JAKMIP1: variants seen among roughly 807,000 people sequenced by gnomAD.
JAKMIP1 encodes janus kinase and microtubule interacting protein 1, also known as janus kinase and microtubule-interacting protein 1.
JAKMIP1 carries 33 observed loss-of-function variants against 113.0 expected under a neutral mutation model. The observed-to-expected ratio is 0.29, with a 90% CI of 0.22 to 0.39. JAKMIP1 has a LOEUF of 0.39. Ranked by LOEUF, JAKMIP1 falls within the 10% of genes least tolerant of loss-of-function variation. The pLI is 1.00. For synonymous variants in JAKMIP1, 480 were observed against 459.9 expected, an observed-to-expected ratio of 1.04 and a Z score of -0.56; for missense variants, 813 against 1,080.5, an observed-to-expected ratio of 0.75 and a Z score of 3.47.
At chr4:6,170,450 A>ACCACCATCACCATAGTCACCACCACCT (rs1219779193) in intron 1 of JAKMIP1, among the ~76,000 whole-genome samples, 1 of 150,094 alleles carries the variant, frequency 6.7e-6, no homozygotes, top group Admixed American at 6.6e-5. Context: ...CACCTCCATC[A>ACCACCATCACCATAGTCACCACCACCT]CCATCACCAC....
intron 16 of JAKMIP1, among the ~76,000 whole-genome samples, chr4:6,048,320 T>G (rs1358355018): frequency 6.6e-6 from 1 of 152,250 alleles, no homozygotes; most frequent in Non-Finnish European, 1.5e-5. Context: ...GTCATTCTGC[T>G]TCTAAAATAT....
chr4:6,186,201 C>T lies in JAKMIP1; in HGVS notation c.-148+14052G>A, dbSNP rs1726638627. ...CCGACGAGGCTTCCCTGGAGCTTGC[C>T]AGGGGCAGGTCAGGCGGATGGGCAG... On this transcript the variant is annotated intron_variant, in intron 1 of 20. Coordinates refer to ENST00000409021, the MANE Select transcript of JAKMIP1 (RefSeq NM_001099433.2). This position sits in a 1 kb window ranked among gnomAD's most constrained non-coding sequence, Gnocchi z 5.5. Among the ~76,000 whole-genome samples, 1 of 152,186 alleles carries T rather than the reference C, an allele frequency of 6.6e-6. No individual in the cohort carries two copies. Among genetic ancestry groups the T allele is most frequent in the Non-Finnish European group, 1.5e-5 (1 of 68,036 alleles).
chr4:6,139,477 A>T lies in JAKMIP1; in HGVS notation c.-147-26480T>A, dbSNP rs1719780213. On this transcript the variant is annotated intron_variant, in intron 1 of 20. Coordinates refer to ENST00000409021, the MANE Select transcript of JAKMIP1 (RefSeq NM_001099433.2). This position sits in a 1 kb window ranked among gnomAD's most constrained non-coding sequence, Gnocchi z 5.2. ...ATATGATGGGTGTTCCTACAAAAAGAAGAAATGGGGCTGGTCGTGGTGGCT... is the reference window on the plus strand; with the variant it reads ...ATATGATGGGTGTTCCTACAAAAAGTAGAAATGGGGCTGGTCGTGGTGGCT... Among the ~76,000 whole-genome samples the T allele has an allele frequency of 6.6e-6, 1 of 152,032 alleles. No homozygotes were observed. The highest frequency in any genetic ancestry group is 1.9e-4 in the East Asian group (1 of 5,174).
Position 6,097,618 on chromosome 4 carries a change from G to A in JAKMIP1, c.624+7855C>T, listed in dbSNP as rs1052192332. Among the ~76,000 whole-genome samples, 1 of 152,192 alleles carries A rather than the reference G, an allele frequency of 6.6e-6. No homozygotes were observed. Among genetic ancestry groups the A allele is most frequent in the Non-Finnish European group, 1.5e-5 (1 of 68,040 alleles). On this transcript the variant is annotated intron_variant, in intron 3 of 20. Coordinates refer to ENST00000409021, the MANE Select transcript of JAKMIP1 (RefSeq NM_001099433.2). The surrounding 1 kb of genome is among the most constrained non-coding windows in gnomAD (Gnocchi z 4.3). ...AGATTTTGGAGCATTTGGGACTTTG[G>A]ATTAGGGATGCTCAACCTATTTCTA...
At chr4:6,119,034 C>A (rs139189065) in intron 1 of JAKMIP1, among the ~76,000 whole-genome samples, 11 of 152,244 alleles carry the variant, frequency 7.2e-5, no homozygotes, top group Non-Finnish European at 1.5e-4. Context: ...CGGAGCACTG[C>A]GGCCACACCA....
rs962986139 is a variant in JAKMIP1, at chr4:6,185,020, A to G, written c.-148+15233T>C. Among the ~76,000 whole-genome samples, 4 of 152,172 alleles carry G rather than the reference A, an allele frequency of 2.6e-5. No homozygotes were observed. Among genetic ancestry groups the G allele is most frequent in the African/African-American group, 9.7e-5 (4 of 41,450 alleles). On this transcript the variant is annotated intron_variant, in intron 1 of 20. Transcript: ENST00000409021. This position sits in a 1 kb window ranked among gnomAD's most constrained non-coding sequence, Gnocchi z 5.3. Reference sequence around the variant, plus strand: ...TCGAACATCAGACTCCAAGTTCTTCAGCGTTTGGCCTCTTGGACTTCCACC... The same window carrying G: ...TCGAACATCAGACTCCAAGTTCTTCGGCGTTTGGCCTCTTGGACTTCCACC...
rs1392297977 is a variant in JAKMIP1, at chr4:6,098,744, G to C, written c.624+6729C>G. On this transcript the variant is annotated intron_variant, in intron 3 of 20. Transcript: ENST00000409021. ...AGAAAAAGAAAGAAAGAGAAGGAAGGAAGGAAGGAAAGAAAGAGAAAGAAA... is the reference window on the plus strand; with the variant it reads ...AGAAAAAGAAAGAAAGAGAAGGAAGCAAGGAAGGAAAGAAAGAGAAAGAAA... Among the ~76,000 whole-genome samples, 3 of 147,038 alleles carry C rather than the reference G, an allele frequency of 2.0e-5. No individual in the cohort carries two copies. In the Admixed American group the frequency reaches 2.0e-4, roughly 10 times the overall value.
Position 6,037,822 on chromosome 4 carries a change from G to T in JAKMIP1, c.2176-1715C>A, listed in dbSNP as rs1157033522. Among the ~76,000 whole-genome samples the T allele has an allele frequency of 1.5e-4, 16 of 105,444 alleles. No individual in the cohort carries two copies. In the South Asian group the frequency reaches 1.9e-3, roughly 13 times the overall value. The allele number at this position is 105,444 out of a possible 152,430, so 69.2% of individuals were successfully genotyped here. ...TCACCGAGGCAGAGGCTAACCGGTA[G>T]CCCTCCATCACCGAGGCAGAGGCTA... On this transcript the variant is annotated intron_variant, in intron 18 of 20. Coordinates refer to ENST00000409021, the MANE Select transcript of JAKMIP1 (RefSeq NM_001099433.2).
At chr4:6,195,597 C>T (rs1314506973) in intron 1 of JAKMIP1, among the ~76,000 whole-genome samples, 1 of 152,160 alleles carries the variant, frequency 6.6e-6, no homozygotes, top group South Asian at 2.1e-4. Context: ...TCCCCTCCCC[C>T]ACAAAAGAAC....
intron 16 of JAKMIP1, 103 bp downstream of exon 16, chr4:6,048,754 G>A: frequency 2.1e-6 from 2 of 938,744 alleles, no homozygotes; most frequent in Non-Finnish European, 3.4e-6. Context: ...AGACGGACTG[G>A]AACGCATGCT....
At chr4:6,196,620 G>A (rs1354457703) in intron 1 of JAKMIP1, among the ~76,000 whole-genome samples, 8 of 152,160 alleles carry the variant, frequency 5.3e-5, no homozygotes, top group African/African-American at 1.4e-4. Context: ...TTGGGAGGCC[G>A]AGGCGGGCAA....
chr4:6,093,695 T>C lies in JAKMIP1; in HGVS notation c.625-8066A>G, dbSNP rs979379336. Among the ~76,000 whole-genome samples, 2 of 152,184 alleles carry C rather than the reference T, an allele frequency of 1.3e-5. No individual in the cohort carries two copies. The highest frequency in any genetic ancestry group is 1.3e-4 in the Admixed American group (2 of 15,280). Reference sequence around the variant, plus strand: ...TGTATTACAATGAATGATGTCCACCTGTACAGGGAGGTGTGGCTGCCGTGC... The same window carrying C: ...TGTATTACAATGAATGATGTCCACCCGTACAGGGAGGTGTGGCTGCCGTGC... On this transcript the variant is annotated intron_variant, in intron 3 of 20. Coordinates refer to ENST00000409021, the MANE Select transcript of JAKMIP1 (RefSeq NM_001099433.2). The surrounding 1 kb of genome is among the most constrained non-coding windows in gnomAD (Gnocchi z 4.6).
intron 18 of JAKMIP1, among the ~76,000 whole-genome samples, chr4:6,037,386 T>G (rs7685540): frequency 4.7e-4 from 36 of 76,696 alleles, no homozygotes; most frequent in African/African-American, 1.4e-3. Context: ...CTAACCAGTA[T>G]CCCTCCATCA....
In JAKMIP1 at chr4:6,166,700, C is replaced by T. The variant is rs140655809; in HGVS notation, c.-148+33553G>A. On this transcript the variant is annotated intron_variant, in intron 1 of 20. Transcript: ENST00000409021. ...TATCATGGTGTAGCCAAAGGTAGAA[C>T]GAGCAGCACCATCTACAGATGGGAA... Among the ~76,000 whole-genome samples, 9 of 152,342 alleles carry T rather than the reference C, an allele frequency of 5.9e-5. No homozygotes were observed. The East Asian group carries it at 7.7e-4, about 13-fold the overall frequency.
chr4:6,044,402 G>T lies in JAKMIP1; in HGVS notation c.2029-2175C>A, dbSNP rs1714729957. Among the ~76,000 whole-genome samples the T allele has an allele frequency of 6.6e-6, 1 of 152,128 alleles. No homozygotes were observed. The highest frequency in any genetic ancestry group is 2.4e-5 in the African/African-American group (1 of 41,436). On this transcript the variant is annotated intron_variant, in intron 16 of 20. Transcript: ENST00000409021. The surrounding 1 kb of genome is among the most constrained non-coding windows in gnomAD (Gnocchi z 4.4). ...CTAGAACTGATCGGCTCCTGCCACA[G>T]AACTCCTTCCCTAACGCCACAGTGA...
intron 3 of JAKMIP1, among the ~76,000 whole-genome samples, chr4:6,103,146 G>T (rs1713362800): frequency 6.6e-6 from 1 of 152,088 alleles, no homozygotes; most frequent in Non-Finnish European, 1.5e-5. Context: ...ACTTGTAAAA[G>T]ATTTTTGATA....
intron 8 of JAKMIP1, among the ~76,000 whole-genome samples, chr4:6,077,224 A>G (rs1719804278): frequency 6.6e-6 from 1 of 152,148 alleles, no homozygotes; most frequent in Non-Finnish European, 1.5e-5. Context: ...AGTAGGGTGG[A>G]CTCCTAATCC....
rs913136148 is a variant in JAKMIP1, at chr4:6,153,108, G to T, written c.-147-40111C>A. On this transcript the variant is annotated intron_variant, in intron 1 of 20. Transcript: ENST00000409021. This position sits in a 1 kb window ranked among gnomAD's most constrained non-coding sequence, Gnocchi z 4.9. ...CATCCCCCTCCCCTACCTGCCTGAA[G>T]ACTACACAGGCAGATTCACACTTGC... Among the ~76,000 whole-genome samples, 3 of 151,944 alleles carry T rather than the reference G, an allele frequency of 2.0e-5. No homozygotes were observed. Among genetic ancestry groups the T allele is most frequent in the Non-Finnish European group, 2.9e-5 (2 of 67,994 alleles).
Position 6,097,344 on chromosome 4 carries a change from T to A in JAKMIP1, c.624+8129A>T, listed in dbSNP as rs147653144. 3.9e-3 allele frequency among the ~76,000 whole-genome samples: 600 copies of A among 152,324 alleles called. 1 individual carries two copies. Among genetic ancestry groups the A allele is most frequent in the African/African-American group, 0.014 (578 of 41,566 alleles). On this transcript the variant is annotated intron_variant, in intron 3 of 20. Coordinates refer to ENST00000409021, the MANE Select transcript of JAKMIP1 (RefSeq NM_001099433.2). The surrounding 1 kb of genome is among the most constrained non-coding windows in gnomAD (Gnocchi z 4.3). ...CCAATAAGTAATCACTTCTTACACT[T>A]ATTCACACATACCACTGATACAGTG...
Sources: allele counts gnomAD v4.1 joint callset (sites outside exome capture counted in the v4.1 genomes callset), GRCh38; gene constraint gnomAD v4.1.1; non-coding constraint Gnocchi (gnomAD v3.1); transcripts MANE v1.5; gene names NCBI Gene and HGNC (gene_info 2026-07-23, HGNC 2026-07-21).